The following HDAC9 variants were observed in gnomAD, a reference collection of about 807,000 sequenced individuals.
The protein encoded by HDAC9 is histone deacetylase 9.
A neutral mutation model predicts 139.4 loss-of-function variants in HDAC9; 41 were observed. The observed-to-expected ratio is 0.29, with a 90% CI of 0.23 to 0.38. The LOEUF is 0.38. HDAC9 is among the 10% of genes least tolerant of loss of function. The probability of loss-of-function intolerance (pLI) is 1.00; values close to 1 mark genes in which losing one functional copy is unlikely to be tolerated. For synonymous variants in HDAC9, 517 were observed against 476.2 expected (o/e 1.09, Z -1.12); for missense variants, 1,147 against 1,297.0 (o/e 0.88, Z 1.78).
chr7:18,598,900 A>C (rs1250046818), intron 6 of HDAC9, among the ~76,000 whole-genome samples: 1 of 152,248 alleles, frequency 6.6e-6, no homozygotes, highest in Non-Finnish European at 1.5e-5. Context: ...ATCCAAAAGA[A>C]GCAGCAGGCT....
chr7:18,273,055 CG>C (rs1230384665), intron 2 of HDAC9, among the ~76,000 whole-genome samples: 72 of 68,214 alleles, frequency 1.1e-3, no homozygotes, highest in Middle Eastern at 8.8e-3. Flanking sequence ...TCCCCTTCTT[CG>C]TTTTTTTTTT....
intron 2 of HDAC9, among the ~76,000 whole-genome samples, chr7:18,257,788 TA>T: frequency 6.6e-6 from 1 of 152,356 alleles, no homozygotes; most frequent in East Asian, 1.9e-4. Context: ...TTTAGTACTT[TA>T]AAAATACATG....
At chr7:18,283,978 G>A (rs1206636696) in intron 2 of HDAC9, among the ~76,000 whole-genome samples, 1 of 152,098 alleles carries the variant, frequency 6.6e-6, no homozygotes, top group Admixed American at 6.5e-5. Context: ...AGATCCTCTG[G>A]AAGTTAAACC....
chr7:18,273,061 T>TCG (rs1796485826), intron 2 of HDAC9, among the ~76,000 whole-genome samples: 1 of 41,104 alleles, frequency 2.4e-5, no homozygotes, highest in Non-Finnish European at 7.0e-5. Context: ...TCTTCGTTTT[T>TCG]TTTTTTTTTT....
At chr7:18,848,507 G>A (rs577868433) in intron 21 of HDAC9, among the ~76,000 whole-genome samples, 133 of 151,850 alleles carry the variant, frequency 8.8e-4, no homozygotes, top group African/African-American at 2.9e-3. Flanking sequence ...CACACACACC[G>A]AGGCAAGGCT....
chr7:18,792,170 T>A (rs1034587265), intron 16 of HDAC9, among the ~76,000 whole-genome samples: 10 of 152,042 alleles, frequency 6.6e-5, no homozygotes, highest in African/African-American at 2.4e-4. Flanking sequence ...TGAATATTCT[T>A]AGAAAACTAC....
At position 18,810,367 on chromosome 7, in the gene HDAC9, C is replaced by G. The variant is rs192047066; in HGVS notation, c.2322+16915C>G. Among the ~76,000 whole-genome samples the G allele has an allele frequency of 4.6e-5, 7 of 151,964 alleles. No homozygotes were observed. In the East Asian group the frequency reaches 1.4e-3, roughly 29 times the overall value. Reference sequence around the variant, plus strand: ...CTATTTAAGGTAACATTCACAGATTCTGGGAGTTAGTATGTGGGCACCTTT... The same window carrying G: ...CTATTTAAGGTAACATTCACAGATTGTGGGAGTTAGTATGTGGGCACCTTT... On this transcript the variant is annotated intron_variant, in intron 17 of 25. Coordinates refer to ENST00000686413, the MANE Select transcript of HDAC9 (RefSeq NM_178425.4).
At chr7:18,133,069 T>C (rs934575570) in intron 1 of HDAC9, among the ~76,000 whole-genome samples, 2 of 152,136 alleles carry the variant, frequency 1.3e-5, no homozygotes, top group Non-Finnish European at 1.5e-5. Context: ...GTGGTCTGTT[T>C]GTCAAGGAAA....
chr7:18,117,089 G>A (rs1283797700), intron 1 of HDAC9, among the ~76,000 whole-genome samples: 1 of 152,124 alleles, frequency 6.6e-6, no homozygotes, highest in Non-Finnish European at 1.5e-5. Context: ...TGAGAGGGTT[G>A]TAGTGGGTTG....
intron 16 of HDAC9, among the ~76,000 whole-genome samples, chr7:18,786,263 A>G (rs904633370): frequency 1.3e-5 from 2 of 152,124 alleles, no homozygotes; most frequent in Non-Finnish European, 2.9e-5. Flanking sequence ...GAACAGCATT[A>G]TGTAGTAGCT....
chr7:18,412,262 TTTG>T (rs1419239199), intron 1 of HDAC9, among the ~76,000 whole-genome samples: 1 of 152,174 alleles, frequency 6.6e-6, no homozygotes, highest in East Asian at 1.9e-4. Flanking sequence ...GTTATAAGGA[TTTG>T]TTTTTTCTTG....
chr7:18,762,592 G>T (rs527848656), intron 15 of HDAC9, among the ~76,000 whole-genome samples: 1 of 152,290 alleles, frequency 6.6e-6, no homozygotes, highest in South Asian at 2.1e-4. Flanking sequence ...ACTTAAAGTA[G>T]AAATGATTTA....
chr7:18,760,964 TTTCCGG>T (rs1438352931), intron 14 of HDAC9, among the ~76,000 whole-genome samples: 1 of 152,210 alleles, frequency 6.6e-6, no homozygotes, highest in Non-Finnish European at 1.5e-5. Context: ...TCACCTGATG[TTTCCGG>T]GTTACCTGGT....
intron 6 of HDAC9, among the ~76,000 whole-genome samples, chr7:18,621,678 G>A (rs1048048363): frequency 6.6e-6 from 1 of 152,018 alleles, no homozygotes; most frequent in South Asian, 2.1e-4. Flanking sequence ...AGTTACATTA[G>A]AAATTTTGCT....
At chr7:18,749,375 T>G (rs79515018) in intron 14 of HDAC9, among the ~76,000 whole-genome samples, 9,478 of 152,276 alleles carry the variant, frequency 0.062, 515 homozygotes, top group African/African-American at 0.15. Flanking sequence ...GTTCCAATGC[T>G]GCAGTATTAT....
rs2128761954 is a variant in HDAC9 at position 18,430,750 on chromosome 7, G to A, written c.-41-65512G>A. The A allele has an allele frequency of 2.0e-5, 3 of 152,122 alleles. No homozygotes were observed. The Middle Eastern group carries it at 0.01, about 517-fold the overall frequency. The allele number at this position is 152,122 out of a possible 1,614,324, so 9.4% of individuals were successfully genotyped here. A position where few individuals can be genotyped will look rare whatever the true frequency, so the allele number is the denominator to read the frequency against. On this transcript the variant is annotated intron_variant, in intron 1 of 3. Transcript: ENST00000413509. ...ACAAAAAAAAAAAATAGTCAGATGT[G>A]GCAGCACATGCCTGTAATCCCAGCT...
At chr7:18,113,724 A>T (rs1256956104) in intron 1 of HDAC9, among the ~76,000 whole-genome samples, 4 of 152,218 alleles carry the variant, frequency 2.6e-5, no homozygotes, top group Admixed American at 1.3e-4. Context: ...ACACTGTCTT[A>T]GTTCTATTAG....
At chr7:18,101,109 T>A (rs1263783214) in intron 1 of HDAC9, among the ~76,000 whole-genome samples, 1 of 152,160 alleles carries the variant, frequency 6.6e-6, no homozygotes. Context: ...GTCCTGATCA[T>A]TACACTGCTG....
intron 2 of HDAC9, among the ~76,000 whole-genome samples, chr7:18,508,069 A>G (rs1182973512): frequency 6.6e-6 from 1 of 152,168 alleles, no homozygotes; most frequent in Admixed American, 6.5e-5. Flanking sequence ...AACCAACCAT[A>G]TGACACAGAA....
Sources: gnomAD v4.1 joint callset for allele counts (sites outside exome capture counted in the v4.1 genomes callset) on GRCh38, gnomAD v4.1.1 for gene constraint, MANE v1.5 for transcripts, NCBI Gene and HGNC (gene_info 2026-07-23, HGNC 2026-07-21) for gene names.